The following GLRA1 variants were observed in gnomAD, a reference collection of about 807,000 sequenced individuals.
GLRA1 encodes the protein glycine receptor alpha 1, also known as glycine receptor subunit alpha-1.
In GLRA1, 37 loss-of-function variants were observed where a neutral mutation model predicts 48.3. The ratio of observed to expected loss-of-function variants is 0.77; its 90% CI spans 0.59 to 1.01. The LOEUF (loss-of-function observed/expected upper bound fraction) is 1.01, where lower values mean the gene tolerates loss of function less well. GLRA1 is among the 50% of genes least tolerant of loss of function. The probability of loss-of-function intolerance (pLI) is 0.00; values close to 1 mark genes in which losing one functional copy is unlikely to be tolerated. For synonymous variants in GLRA1, 196 were observed against 210.7 expected (o/e 0.93, Z 0.60); for missense variants, 427 against 571.0 (o/e 0.75, Z 2.57).
chr5:151,888,180 C>A (rs904726860), intron 2 of GLRA1, among the ~76,000 whole-genome samples: 1 of 152,158 alleles, frequency 6.6e-6, no homozygotes, highest in East Asian at 1.9e-4. Flanking sequence ...GTAGATATGT[C>A]CTTATGCCCT....
chr5:151,857,948 A>G (rs968060551), intron 4 of GLRA1, among the ~76,000 whole-genome samples: 1 of 152,248 alleles, frequency 6.6e-6, no homozygotes, highest in Non-Finnish European at 1.5e-5. Flanking sequence ...AAAGTCACAC[A>G]GCAAGCTGAT....
chr5:151,915,278 G>A lies in GLRA1; in HGVS notation c.56+9216C>T, dbSNP rs947667835. On this transcript the variant is annotated intron_variant, in intron 1 of 8. Coordinates refer to ENST00000274576, the MANE Select transcript of GLRA1 (RefSeq NM_000171.4). ...TTGGGGCTGAGATGGGGCATCCTGA[G>A]GGAAGGCAGAAGAGAAGGCTCAGGA... Among the ~76,000 whole-genome samples the A allele has an allele frequency of 3.3e-5, 5 of 152,242 alleles. No homozygotes were observed. In the East Asian group the frequency reaches 7.7e-4, roughly 23 times the overall value.
intron 7 of GLRA1, among the ~76,000 whole-genome samples, chr5:151,835,237 C>A (rs962007929): frequency 3.9e-5 from 6 of 151,974 alleles, no homozygotes; most frequent in Non-Finnish European, 2.9e-5. Context: ...GAAGTTGAAT[C>A]CCGGAAAAGG....
At chr5:151,922,859 T>G (rs1754913900) in intron 1 of GLRA1, among the ~76,000 whole-genome samples, 1 of 152,218 alleles carries the variant, frequency 6.6e-6, no homozygotes. Flanking sequence ...ATTAATTTGC[T>G]CTTAAATCTC....
At chr5:151,901,392 G>C (rs774642481) in intron 1 of GLRA1, among the ~76,000 whole-genome samples, 3 of 152,198 alleles carry the variant, frequency 2.0e-5, no homozygotes, top group Non-Finnish European at 4.4e-5. Context: ...ATGAGTTACA[G>C]TGTGAAGAAT....
intron 7 of GLRA1, among the ~76,000 whole-genome samples, chr5:151,846,430 A>G (rs982593628): frequency 6.6e-6 from 1 of 152,236 alleles, no homozygotes; most frequent in African/African-American, 2.4e-5. Context: ...CTGCTGCTAC[A>G]ATTGCACACA....
intron 3 of GLRA1, among the ~76,000 whole-genome samples, chr5:151,883,396 C>T (rs902472581): frequency 3.3e-5 from 5 of 151,722 alleles, no homozygotes; most frequent in Non-Finnish European, 7.4e-5. Flanking sequence ...AGTCTGTGCT[C>T]TTTGGAGTTA....
intron 3 of GLRA1, among the ~76,000 whole-genome samples, chr5:151,873,399 G>T (rs545671909): frequency 6.7e-6 from 1 of 149,554 alleles, no homozygotes; most frequent in South Asian, 2.1e-4. Context: ...GGTGGCTCAT[G>T]CCTATAATCC....
intron 3 of GLRA1, among the ~76,000 whole-genome samples, chr5:151,879,689 A>C (rs1753713749): frequency 1.3e-5 from 2 of 152,202 alleles, no homozygotes; most frequent in African/African-American, 4.8e-5. Flanking sequence ...CATAGATGGA[A>C]GGGACTTGCC....
intron 1 of GLRA1, among the ~76,000 whole-genome samples, chr5:151,893,753 C>G (rs1326039422): frequency 6.6e-6 from 1 of 152,140 alleles, no homozygotes; most frequent in Non-Finnish European, 1.5e-5. Context: ...TTTATCCAGT[C>G]TATCATTGAT....
chr5:151,891,319 C>G (rs1362475779), intron 2 of GLRA1, among the ~76,000 whole-genome samples: 1 of 152,200 alleles, frequency 6.6e-6, no homozygotes, highest in African/African-American at 2.4e-5. Context: ...GTTATAGACA[C>G]TAAGTTCCCA....
At chr5:151,867,577 C>T (rs1307477584) in intron 3 of GLRA1, among the ~76,000 whole-genome samples, 1 of 152,166 alleles carries the variant, frequency 6.6e-6, no homozygotes, top group African/African-American at 2.4e-5. Context: ...TACTATACAA[C>T]AGGCATTATG....
chr5:151,915,991 A>G (rs1280497869), intron 1 of GLRA1, among the ~76,000 whole-genome samples: 1 of 152,176 alleles, frequency 6.6e-6, no homozygotes, highest in Non-Finnish European at 1.5e-5. Context: ...CACCCCTTTT[A>G]TCCATTGGTA....
At chr5:151,900,778 C>CT (rs34827461) in intron 1 of GLRA1, among the ~76,000 whole-genome samples, 1 of 152,136 alleles carries the variant, frequency 6.6e-6, no homozygotes, top group Admixed American at 6.6e-5. Flanking sequence ...TGTAACCTTC[C>CT]TTTTTCTCAG....
intron 5 of GLRA1, among the ~76,000 whole-genome samples, chr5:151,855,921 C>G (rs954036655): frequency 5.9e-5 from 9 of 152,242 alleles, no homozygotes; most frequent in African/African-American, 2.2e-4. Context: ...TCTAACAACA[C>G]ACCAATCACT....
At chr5:151,853,324 G>T (rs1752955766) in intron 6 of GLRA1, among the ~76,000 whole-genome samples, 1 of 151,950 alleles carries the variant, frequency 6.6e-6, no homozygotes, top group Non-Finnish European at 1.5e-5. Context: ...TCAGCTCACT[G>T]CAGCCTCTGT....
intron 3 of GLRA1, among the ~76,000 whole-genome samples, chr5:151,877,474 C>T (rs1403327067): frequency 2.0e-5 from 3 of 151,860 alleles, no homozygotes; most frequent in African/African-American, 7.3e-5. Context: ...GAAGAGATAC[C>T]AGTAAAAATA....
At chr5:151,907,523 T>C (rs142375724) in intron 1 of GLRA1, among the ~76,000 whole-genome samples, 297 of 152,274 alleles carry the variant, frequency 2.0e-3, no homozygotes, top group Middle Eastern at 0.014. Context: ...GAATAGACAT[T>C]ATTGGGAGAA....
intron 1 of GLRA1, among the ~76,000 whole-genome samples, chr5:151,898,811 G>A (rs1442852067): frequency 2.0e-5 from 3 of 152,212 alleles, no homozygotes; most frequent in Admixed American, 6.5e-5. Context: ...GGAATTCAGC[G>A]AGTACAGTGG....
Sources: gnomAD v4.1 joint callset for allele counts (sites outside exome capture counted in the v4.1 genomes callset) on GRCh38, gnomAD v4.1.1 for gene constraint, MANE v1.5 for transcripts, NCBI Gene and HGNC (gene_info 2026-07-23, HGNC 2026-07-21) for gene names.